Variants in TXNDC11 observed in about 807,000 individuals in gnomAD.
The protein encoded by TXNDC11 is thioredoxin domain containing 11.
In TXNDC11, 68 loss-of-function variants were observed where a neutral mutation model predicts 78.0. The ratio of observed to expected loss-of-function variants is 0.87; its 90% CI spans 0.72 to 1.07. The LOEUF is 1.07. Among genes scored for constraint, TXNDC11 ranks in the 50% least tolerant of loss-of-function variants. TXNDC11 has a pLI of 0.00. For missense variants in TXNDC11, 1,389 were observed against 1,221.8 expected (o/e 1.14, Z -2.04); for synonymous variants, 571 against 495.2 (o/e 1.15, Z -2.03).
At chr16:11,695,053 T>C (rs2050823085) in intron 7 of TXNDC11, among the ~76,000 whole-genome samples, 1 of 152,202 alleles carries the variant, frequency 6.6e-6, no homozygotes, top group Non-Finnish European at 1.5e-5. Flanking sequence ...ACCTTTAAAA[T>C]AGGAAACAAG....
In TXNDC11 at chr16:11,742,524, G is replaced by C. The variant is rs1348924804; in HGVS notation, c.207C>G (p.Ala69=). Residue 69 remains alanine (A), a synonymous_variant, in exon 1 of 12, where the codon GCC becomes GCG. Coordinates refer to ENST00000283033, the MANE Select transcript of TXNDC11 (RefSeq NM_015914.7). ...ARQRPELLCG[A]VALGCALLLA... is the part of the protein sequence containing the mutation. ...GGAGCAGCGCGCAGCCGAGCGCCACGGCCCCGCAGAGCAGCTCCGGCCGCT... is the reference window on the plus strand; with the variant it reads ...GGAGCAGCGCGCAGCCGAGCGCCACCGCCCCGCAGAGCAGCTCCGGCCGCT... The C allele has an allele frequency of 1.1e-5, 16 of 1,457,450 alleles. No homozygotes were observed. The Admixed American group carries it at 1.8e-4, about 17-fold the overall frequency. The allele number at this position is 1,457,450 out of a possible 1,614,324, so 90.3% of individuals were successfully genotyped here.
At chr16:11,694,997 C>T (rs905187861) in intron 7 of TXNDC11, among the ~76,000 whole-genome samples, 11 of 152,222 alleles carry the variant, frequency 7.2e-5, no homozygotes, top group African/African-American at 9.6e-5. Context: ...ATGCTAACCA[C>T]GCCTTTGCTT....
At position 11,698,278 on chromosome 16, in the gene TXNDC11, C is replaced by T. The variant is rs374249683; in HGVS notation, c.954G>A (p.Lys318=). ...VLNYTAENIC[K]WALENQETLF... ...GCGTCTCCTGGTTTTCTAAGGCCCA[C>T]TTACAGATGTTCTCAGCTGTGTAGT... The change falls in exon 7 of 12, where the codon AAG becomes AAA. Residue 318 remains lysine (K), a synonymous_variant. Transcript: ENST00000283033. 4 of 1,614,162 alleles carry T rather than the reference C, an allele frequency of 2.5e-6. No individual in the cohort carries two copies. The highest frequency in any genetic ancestry group is 3.4e-6 in the Non-Finnish European group (4 of 1,180,042).
chr16:11,703,773 T>C (rs986825576), intron 5 of TXNDC11: 30 of 700,136 alleles, frequency 4.3e-5, no homozygotes, highest in African/African-American at 1.0e-4. Context: ...AAGTACAAGA[T>C]AAGCCTGAAA....
chr16:11,736,278 TC>T, intron 1 of TXNDC11, 45 bp from the exon 2 acceptor site: 4 of 1,428,276 alleles, frequency 2.8e-6, no homozygotes, highest in Non-Finnish European at 3.9e-6. Flanking sequence ...TTTATCTTCT[TC>T]TAAAAATAGC....
At chr16:11,740,649 T>C (rs1280744957) in intron 1 of TXNDC11, among the ~76,000 whole-genome samples, 4 of 152,354 alleles carry the variant, frequency 2.6e-5, no homozygotes, top group Middle Eastern at 3.4e-3. Flanking sequence ...TATACTGTCC[T>C]TGTGGGAGAC....
chr16:11,739,920 G>A (rs548766339), intron 1 of TXNDC11, among the ~76,000 whole-genome samples: 40 of 152,012 alleles, frequency 2.6e-4, no homozygotes, highest in Admixed American at 7.9e-4. Context: ...TAGGCCAGGC[G>A]CGGTGGCTCA....
At chr16:11,732,391 G>A (rs1220411087) in intron 3 of TXNDC11, among the ~76,000 whole-genome samples, 1 of 152,104 alleles carries the variant, frequency 6.6e-6, no homozygotes, top group Non-Finnish European at 1.5e-5. Flanking sequence ...AAAAAGAAAT[G>A]CAAGGACCTC....
chr16:11,692,273 A>C (rs1036590565), intron 7 of TXNDC11, 191 bp from the exon 8 acceptor site: 1 of 523,164 alleles, frequency 1.9e-6, no homozygotes, highest in African/African-American at 1.9e-5. Flanking sequence ...AGTGTGATGA[A>C]ATTTTTGCCA....
chr16:11,715,241 CAAAAA>C, intron 5 of TXNDC11, among the ~76,000 whole-genome samples: 1 of 151,864 alleles, frequency 6.6e-6, no homozygotes, highest in East Asian at 1.9e-4. Flanking sequence ...CAAAACAAAA[CAAAAA>C]AATAGTTTAG....
At chr16:11,704,014 C>G in intron 5 of TXNDC11, among the ~76,000 whole-genome samples, 1 of 152,264 alleles carries the variant, frequency 6.6e-6, no homozygotes, top group Non-Finnish European at 1.5e-5. Context: ...ATTGCTTGAA[C>G]CCGGGAGGTG....
In TXNDC11 at chr16:11,730,736, A is replaced by C. The variant is rs2052020550; in HGVS notation, c.608T>G (p.Val203Gly). 2 of 1,613,344 alleles carry C rather than the reference A, an allele frequency of 1.2e-6. No homozygotes were observed. Among genetic ancestry groups the C allele is most frequent in the African/African-American group, 2.7e-5 (2 of 74,906 alleles). Reference sequence around the variant, plus strand: ...CCGGCGGACAAACTTCTCAATGTAAACAGCACTCATGGGGCCTTTGTATTC... The same window carrying C: ...CCGGCGGACAAACTTCTCAATGTAACCAGCACTCATGGGGCCTTTGTATTC... ...PIEYKGPMSAVYIEKFVRRVM... is the reference protein window; with the variant it reads ...PIEYKGPMSAGYIEKFVRRVM... Residue 203 changes from valine (V) to glycine (G), a missense_variant, in exon 4 of 12, where the codon GTT becomes GGT. Val to Gly is a moderately radical substitution (Grantham distance 109). Transcript: ENST00000283033.
At chr16:11,728,313 T>C (rs1482370916) in intron 4 of TXNDC11, among the ~76,000 whole-genome samples, 1 of 151,978 alleles carries the variant, frequency 6.6e-6, no homozygotes, top group African/African-American at 2.4e-5. Flanking sequence ...GACTAGTGAG[T>C]TGTTTCACAA....
chr16:11,708,559 T>C (rs909166917), intron 5 of TXNDC11, among the ~76,000 whole-genome samples: 1 of 152,162 alleles, frequency 6.6e-6, no homozygotes, highest in African/African-American at 2.4e-5. Context: ...CATGGAGACT[T>C]CTGCATGAGC....
At chr16:11,720,944 G>A (rs1252008228) in intron 5 of TXNDC11, among the ~76,000 whole-genome samples, 3 of 151,448 alleles carry the variant, frequency 2.0e-5, no homozygotes, top group Non-Finnish European at 4.4e-5. Flanking sequence ...GTTTTGCCAT[G>A]TTGGCCAGGC....
chr16:11,732,351 C>G lies in TXNDC11; in HGVS notation c.570-1577G>C, dbSNP rs145404950. Among the ~76,000 whole-genome samples, 50 of 152,300 alleles carry G rather than the reference C, an allele frequency of 3.3e-4. No homozygotes were observed. The East Asian group carries it at 8.5e-3, about 26-fold the overall frequency. On this transcript the variant is annotated intron_variant, in intron 3 of 11. Coordinates refer to ENST00000283033, the MANE Select transcript of TXNDC11 (RefSeq NM_015914.7). ...GCAGTCTGAAAGGACTACACCCCCC[C>G]ACTAGGCTTCCATGCCTTTTTTCAA...
intron 11 of TXNDC11, among the ~76,000 whole-genome samples, chr16:11,682,161 C>G (rs536380197): frequency 1.3e-5 from 2 of 152,374 alleles, no homozygotes; most frequent in Admixed American, 1.3e-4. Flanking sequence ...TTTTCATTTC[C>G]TCTTTTGCAA....
At chr16:11,735,436 T>A (rs890354797) in intron 2 of TXNDC11, among the ~76,000 whole-genome samples, 1 of 152,226 alleles carries the variant, frequency 6.6e-6, no homozygotes, top group African/African-American at 2.4e-5. Context: ...AGGAAAACTT[T>A]ATCATCTATG....
intron 5 of TXNDC11, among the ~76,000 whole-genome samples, chr16:11,717,164 G>A (rs1317657755): frequency 6.6e-6 from 1 of 151,300 alleles, no homozygotes; most frequent in Non-Finnish European, 1.5e-5. Context: ...AGTGGCTTAT[G>A]CCTGTAATCC....
Sources: gnomAD v4.1 joint callset for allele counts (sites outside exome capture counted in the v4.1 genomes callset) on GRCh38, gnomAD v4.1.1 for gene constraint, MANE v1.5 for transcripts, NCBI Gene and HGNC (gene_info 2026-07-23, HGNC 2026-07-21) for gene names.